Variants in ARHGEF28 observed in about 807,000 individuals in gnomAD.
ARHGEF28 encodes the protein 190 kDa guanine nucleotide exchange factor.
Under a neutral mutation model 206.6 loss-of-function variants are expected in ARHGEF28, and 152 were observed. The observed-to-expected ratio is 0.74, with a 90% CI of 0.64 to 0.84. ARHGEF28 has a LOEUF of 0.84. Among genes scored for constraint, ARHGEF28 ranks in the 40% least tolerant of loss-of-function variants. The probability of loss-of-function intolerance (pLI) is 0.00; values close to 1 mark genes in which losing one functional copy is unlikely to be tolerated. For synonymous variants in ARHGEF28, 763 were observed against 776.4 expected (o/e 0.98, Z 0.29); for missense variants, 2,028 against 2,073.2 (o/e 0.98, Z 0.42).
intron 27 of ARHGEF28, among the ~76,000 whole-genome samples, chr5:73,892,639 C>T (rs779805831): frequency 3.9e-5 from 6 of 152,084 alleles, no homozygotes; most frequent in African/African-American, 9.7e-5. Flanking sequence ...GGAAGCTCCT[C>T]GAGGGCAGGG....
intron 2 of ARHGEF28, among the ~76,000 whole-genome samples, chr5:73,708,125 A>G (rs1236667495): frequency 6.6e-6 from 1 of 152,148 alleles, no homozygotes; most frequent in African/African-American, 2.4e-5. Context: ...CCAACTAGAT[A>G]AAGAGTTTGT....
chr5:73,685,688 T>C (rs1747419549), intron 2 of ARHGEF28, among the ~76,000 whole-genome samples: 1 of 152,178 alleles, frequency 6.6e-6, no homozygotes, highest in African/African-American at 2.4e-5. Context: ...AGTGGCATGA[T>C]CTAAGCTCAC....
chr5:73,715,712 A>G (rs1281913822), intron 2 of ARHGEF28, among the ~76,000 whole-genome samples: 2 of 152,238 alleles, frequency 1.3e-5, no homozygotes, highest in East Asian at 3.8e-4. Context: ...TGTGTTGGAT[A>G]GAAGATGCCA....
chr5:73,843,808 A>G (rs1341705558), intron 11 of ARHGEF28, among the ~76,000 whole-genome samples: 1 of 152,198 alleles, frequency 6.6e-6, no homozygotes, highest in African/African-American at 2.4e-5. Context: ...ACAGCAAAAA[A>G]TTAAGCAGCA....
chr5:73,924,316 A>C (rs1310930756), intron 35 of ARHGEF28, among the ~76,000 whole-genome samples: 1 of 152,210 alleles, frequency 6.6e-6, no homozygotes. Context: ...CTAGGTTCAG[A>C]TTCCAGCTCA....
At position 73,892,111 on chromosome 5, in the gene ARHGEF28, G is replaced by A; in HGVS notation, c.3447G>A (p.Glu1149=). Reference sequence around the variant, plus strand: ...TTATTGCTAGAGAAGTTGCTAATGAGGAGAGAGGAATGTTTCTGATCAGTG... The same window carrying A: ...TTATTGCTAGAGAAGTTGCTAATGAAGAGAGAGGAATGTTTCTGATCAGTG... The part of the protein sequence containing the change: ...QKLIAREVAN[E]ERGMFLISAS... The change falls in exon 27 of 36, where the codon GAG becomes GAA. Residue 1149 remains glutamate (E), a synonymous_variant. Coordinates refer to ENST00000513042, the MANE Select transcript of ARHGEF28 (RefSeq NM_001177693.2). 1 of 1,596,834 alleles carries A rather than the reference G, an allele frequency of 6.3e-7. No individual in the cohort carries two copies. Among genetic ancestry groups the A allele is most frequent in the South Asian group, 1.1e-5 (1 of 87,616 alleles).
intron 33 of ARHGEF28, among the ~76,000 whole-genome samples, chr5:73,906,818 T>A (rs1481221259): frequency 6.6e-6 from 1 of 152,190 alleles, no homozygotes; most frequent in East Asian, 1.9e-4. Flanking sequence ...CAGTGGTTGT[T>A]GCTAATATAA....
intron 35 of ARHGEF28, among the ~76,000 whole-genome samples, chr5:73,935,806 A>G (rs905044628): frequency 3.9e-5 from 6 of 152,252 alleles, no homozygotes; most frequent in Non-Finnish European, 8.8e-5. Flanking sequence ...CATGATTAAA[A>G]TAAACAAGAA....
intron 2 of ARHGEF28, among the ~76,000 whole-genome samples, chr5:73,699,053 A>T (rs955136387): frequency 2.0e-5 from 3 of 152,094 alleles, no homozygotes; most frequent in Non-Finnish European, 4.4e-5. Flanking sequence ...TAATTTTGCG[A>T]ACCCTTTTCT....
At chr5:73,632,801 G>A (rs758798997) in intron 1 of ARHGEF28, among the ~76,000 whole-genome samples, 1 of 152,082 alleles carries the variant, frequency 6.6e-6, no homozygotes, top group Non-Finnish European at 1.5e-5. Flanking sequence ...TGACGGTGTA[G>A]AGCAGCAGTC....
intron 9 of ARHGEF28, among the ~76,000 whole-genome samples, chr5:73,809,017 C>T (rs984386600): frequency 1.8e-4 from 27 of 152,124 alleles, no homozygotes; most frequent in Admixed American, 1.2e-3. Flanking sequence ...TTTGGTGGGC[C>T]GTGGCAGGCA....
chr5:73,908,730 TAAAC>T (rs1762686533), intron 33 of ARHGEF28: 1 of 152,214 alleles, frequency 6.6e-6, no homozygotes, highest in African/African-American at 2.4e-5. Context: ...AGCGATCTAT[TAAAC>T]AAATAAATTT....
chr5:73,922,505 G>A (rs1022562062), intron 35 of ARHGEF28, among the ~76,000 whole-genome samples: 3 of 152,204 alleles, frequency 2.0e-5, no homozygotes, highest in Non-Finnish European at 4.4e-5. Context: ...TTAAGCTTGT[G>A]TGCTTGTCAT....
intron 21 of ARHGEF28, 101 bp from the exon 22 acceptor site, chr5:73,872,898 T>TAAA: frequency 7.5e-7 from 1 of 1,325,176 alleles, no homozygotes; most frequent in Non-Finnish European, 1.0e-6. Flanking sequence ...ACATTTCTTT[T>TAAA]TTATTTGCGT....
chr5:73,837,017 C>T (rs565191698), intron 10 of ARHGEF28, among the ~76,000 whole-genome samples: 1 of 152,090 alleles, frequency 6.6e-6, no homozygotes, highest in East Asian at 1.9e-4. Flanking sequence ...TTCCATGTGC[C>T]CATGTGTCTG....
intron 10 of ARHGEF28, among the ~76,000 whole-genome samples, chr5:73,837,431 A>G (rs974407130): frequency 2.6e-5 from 4 of 151,952 alleles, no homozygotes; most frequent in African/African-American, 9.7e-5. Context: ...TTTGATTTTA[A>G]TAGATTTATT....
intron 31 of ARHGEF28, chr5:73,902,841 T>G (rs1193421531): frequency 2.0e-5 from 3 of 152,196 alleles, no homozygotes; most frequent in African/African-American, 7.2e-5. Context: ...ACAGTCCAAC[T>G]CATTTCTATG....
chr5:73,804,343 T>C (rs1397963021), intron 9 of ARHGEF28, among the ~76,000 whole-genome samples: 1 of 152,140 alleles, frequency 6.6e-6, no homozygotes, highest in Non-Finnish European at 1.5e-5. Flanking sequence ...TCAATATACT[T>C]TAACTAGTGT....
intron 35 of ARHGEF28, among the ~76,000 whole-genome samples, chr5:73,918,699 C>T (rs1763354056): frequency 6.6e-6 from 1 of 151,972 alleles, no homozygotes; most frequent in Admixed American, 6.6e-5. Context: ...ACTCCAGCTC[C>T]CCAAATTCTG....
Sources: allele counts gnomAD v4.1 joint callset (sites outside exome capture counted in the v4.1 genomes callset), GRCh38; gene constraint gnomAD v4.1.1; transcripts MANE v1.5; gene names NCBI Gene and HGNC (gene_info 2026-07-23, HGNC 2026-07-21).